PRRC2B: variants seen among roughly 807,000 people sequenced by gnomAD.
PRRC2B encodes protein PRRC2B.
A neutral mutation model predicts 242.3 loss-of-function variants in PRRC2B; 68 were observed. The ratio of observed to expected loss-of-function variants is 0.28; its 90% CI spans 0.23 to 0.34. The LOEUF (loss-of-function observed/expected upper bound fraction) is 0.34, where lower values mean the gene tolerates loss of function less well. Ranked by LOEUF, PRRC2B falls within the 10% of genes least tolerant of loss-of-function variation. The pLI is 1.00. For synonymous variants in PRRC2B, 1,228 were observed against 1,173.6 expected, an observed-to-expected ratio of 1.05 and a Z score of -0.95; for missense variants, 2,835 against 2,954.8, an observed-to-expected ratio of 0.96 and a Z score of 0.94.
At chr9:131,481,226 C>T (rs1349273601) in intron 19 of PRRC2B, among the ~76,000 whole-genome samples, 3 of 138,760 alleles carry the variant, frequency 2.2e-5, no homozygotes, top group African/African-American at 2.7e-5. Context: ...AGGAGAATGG[C>T]GTGAACCCGG....
chr9:131,424,465 T>TAA (rs1837929503), intron 1 of PRRC2B, among the ~76,000 whole-genome samples: 1 of 152,148 alleles, frequency 6.6e-6, no homozygotes, highest in Non-Finnish European at 1.5e-5. Context: ...GGTGGGCGGA[T>TAA]AACTTGAGGT....
In PRRC2B at chr9:131,481,790, C is replaced by T. The variant is rs770922429; in HGVS notation, c.4965C>T (p.Thr1655=). The part of the protein sequence containing the change: ...WRKAVTAFSS[T]ETGSAEQGFK... ...AAGCTGTCACTGCCTTCAGCAGCAC[C>T]GAGACTGGCTCTGCGGAGGTGAGTG... Residue 1655 remains threonine (T), a synonymous_variant, in exon 20 of 32, where the codon ACC becomes ACT. Transcript: ENST00000683519. 6 of 1,561,274 alleles carry T rather than the reference C, an allele frequency of 3.8e-6. No homozygotes were observed. The highest frequency in any genetic ancestry group is 3.5e-6 in the Non-Finnish European group (4 of 1,154,780).
At chr9:131,441,126 G>C (rs1838556393) in intron 5 of PRRC2B, among the ~76,000 whole-genome samples, 1 of 152,082 alleles carries the variant, frequency 6.6e-6, no homozygotes, top group Non-Finnish European at 1.5e-5. Context: ...AAAAATGGGA[G>C]TGAGAAAAAA....
chr9:131,432,199 G>T (rs1838199867), intron 2 of PRRC2B, among the ~76,000 whole-genome samples: 1 of 152,180 alleles, frequency 6.6e-6, no homozygotes, highest in Non-Finnish European at 1.5e-5. Flanking sequence ...GAATGTCGAA[G>T]GGCTCCTGTT....
chr9:131,466,865 G>A (rs1375446493), intron 12 of PRRC2B, among the ~76,000 whole-genome samples: 1 of 151,376 alleles, frequency 6.6e-6, no homozygotes, highest in Non-Finnish European at 1.5e-5. Flanking sequence ...GCAGTGGCAC[G>A]ATCTCGGCTC....
At chr9:131,407,068 T>G (rs184808812) in intron 1 of PRRC2B, among the ~76,000 whole-genome samples, 1 of 152,334 alleles carries the variant, frequency 6.6e-6, no homozygotes, top group Admixed American at 6.5e-5. Context: ...GTGTGGTCTC[T>G]TCAGCTTTTT....
intron 13 of PRRC2B, among the ~76,000 whole-genome samples, chr9:131,469,789 G>A (rs1943490060): frequency 6.6e-6 from 1 of 152,218 alleles, no homozygotes; most frequent in Non-Finnish European, 1.5e-5. Context: ...GTCAGGCAAG[G>A]GCCTTGATTT....
intron 3 of PRRC2B, among the ~76,000 whole-genome samples, chr9:131,435,448 C>T (rs1250985857): frequency 1.3e-5 from 2 of 152,010 alleles, no homozygotes; most frequent in Non-Finnish European, 2.9e-5. Flanking sequence ...AACCCCGTCT[C>T]TGCTAAAAAT....
chr9:131,411,309 TC>T (rs1837499595), intron 1 of PRRC2B, among the ~76,000 whole-genome samples: 1 of 150,688 alleles, frequency 6.6e-6, no homozygotes. Flanking sequence ...TGTGCTATTT[TC>T]TTTTTTTTGT....
At chr9:131,491,655 C>T in intron 29 of PRRC2B, 75 bp downstream of exon 29, 2 of 1,374,368 alleles carry the variant, frequency 1.5e-6, no homozygotes, top group East Asian at 2.6e-5. Flanking sequence ...AAGCTAAGTA[C>T]CCCTGTGTGG....
intron 4 of PRRC2B, among the ~76,000 whole-genome samples, 185 bp from the exon 5 acceptor site, chr9:131,438,804 G>A (rs149742658): frequency 5.9e-4 from 90 of 152,178 alleles, no homozygotes; most frequent in African/African-American, 2.1e-3. Context: ...CCCTGGGACC[G>A]CTGTGTGGAG....
intron 2 of PRRC2B, among the ~76,000 whole-genome samples, chr9:131,431,316 G>C (rs1189519591): frequency 6.6e-6 from 1 of 151,936 alleles, no homozygotes; most frequent in Non-Finnish European, 1.5e-5. Flanking sequence ...ATTTTTAGTA[G>C]AGACGGGGTT....
At chr9:131,473,777 C>T in intron 15 of PRRC2B, 53 bp downstream of exon 15, 1 of 1,440,046 alleles carries the variant, frequency 6.9e-7, no homozygotes, top group Non-Finnish European at 9.6e-7. Context: ...ACTCCAGGTC[C>T]TAATTGAGAG....
Position 131,432,623 on chromosome 9 carries a change from C to G in PRRC2B, c.122C>G (p.Pro41Arg), listed in dbSNP as rs1388840201. Reference protein sequence around the residue: ...SVDAIRSSVIPRHGLQSLGKV... With the variant: ...SVDAIRSSVIRRHGLQSLGKV... ...CATGTCCCTCTCCCTGCAGTTATTC[C>G]TAGACATGGCTTACAGAGTCTTGGG... The change falls in exon 3 of 32, where the codon CCT becomes CGT. Residue 41 changes from proline to arginine, a missense_variant. Pro to Arg is a moderately radical substitution (Grantham distance 103). Transcript: ENST00000683519. 1 of 1,613,764 alleles carries G rather than the reference C, an allele frequency of 6.2e-7. No homozygotes were observed. Among genetic ancestry groups the G allele is most frequent in the South Asian group, 1.1e-5 (1 of 91,064 alleles).
Position 131,498,888 on chromosome 9 carries a change from T to C in PRRC2B, c.*3014T>C, listed in dbSNP as rs982052422. The C allele has an allele frequency of 6.6e-6, 1 of 152,198 alleles. No homozygotes were observed. Among genetic ancestry groups the C allele is most frequent in the Non-Finnish European group, 1.5e-5 (1 of 68,034 alleles). 9.4% of individuals were successfully genotyped at this position (152,198 alleles called of 1,614,324 possible). On this transcript the variant is annotated 3_prime_UTR_variant, in exon 32 of 32. Transcript: ENST00000683519. The stretch of plus-strand genomic sequence containing the variant: ...GAAGTCCAGAGTGTGGGTATACATC[T>C]CAGATGCCCATCTACCCACTGGGGA...
chr9:131,396,077 A>C (rs183675885), intron 1 of PRRC2B, among the ~76,000 whole-genome samples: 2 of 152,302 alleles, frequency 1.3e-5, no homozygotes, highest in Admixed American at 1.3e-4. Flanking sequence ...TGAGGCTCAG[A>C]TCTTGCATCT....
At chr9:131,491,219 A>G in intron 28 of PRRC2B, 1 of 516,462 alleles carries the variant, frequency 1.9e-6, no homozygotes, top group Non-Finnish European at 3.3e-6. Flanking sequence ...CAGCAAGAAG[A>G]CGTGCCTCTG....
chr9:131,492,561 C>T (rs957464858), intron 30 of PRRC2B, among the ~76,000 whole-genome samples: 5 of 152,198 alleles, frequency 3.3e-5, no homozygotes, highest in Non-Finnish European at 7.3e-5. Flanking sequence ...TCAGGACTGA[C>T]GTGACTTCCC....
chr9:131,455,016 C>A, intron 9 of PRRC2B, 60 bp from the exon 10 acceptor site: 1 of 1,347,232 alleles, frequency 7.4e-7, no homozygotes, highest in Non-Finnish European at 1.0e-6. Context: ...GCCACCACGT[C>A]CGGCCACCAC....
Sources: allele counts gnomAD v4.1 joint callset (sites outside exome capture counted in the v4.1 genomes callset), GRCh38; gene constraint gnomAD v4.1.1; transcripts MANE v1.5; gene names NCBI Gene and HGNC (gene_info 2026-07-23, HGNC 2026-07-21).